Variants in KIRREL3 observed in about 807,000 individuals in gnomAD.
KIRREL3 encodes kin of IRRE-like protein 3.
Under a neutral mutation model 89.7 loss-of-function variants are expected in KIRREL3, and 36 were observed. That is an observed-to-expected ratio of 0.40 (90% CI 0.31 to 0.53). KIRREL3 has a LOEUF of 0.53. Ranked by LOEUF, KIRREL3 falls within the 20% of genes least tolerant of loss-of-function variation. The pLI is 0.49. For missense variants in KIRREL3, 864 were observed against 1,056.6 expected, an observed-to-expected ratio of 0.82 and a Z score of 2.53; for synonymous variants, 445 against 441.4, an observed-to-expected ratio of 1.01 and a Z score of -0.10.
In KIRREL3 at chr11:126,883,236, C is replaced by A. The variant is rs189976374; in HGVS notation, c.55+117219G>T. Among the ~76,000 whole-genome samples the A allele has an allele frequency of 2.0e-5, 3 of 152,148 alleles. No homozygotes were observed. The highest frequency in any genetic ancestry group is 2.0e-4 in the Admixed American group (3 of 15,294). On this transcript the variant is annotated intron_variant, in intron 1 of 16. Coordinates refer to ENST00000525144, the MANE Select transcript of KIRREL3 (RefSeq NM_032531.4). This position sits in a 1 kb window ranked among gnomAD's most constrained non-coding sequence, Gnocchi z 4.1. The stretch of plus-strand genomic sequence containing the variant: ...TCTGCTATAGAGAGTTCTTGAGAAG[C>A]CAGGAATAGTTAAGAGGAAATTGAG...
chr11:126,597,515 A>G (rs1475594187), intron 1 of KIRREL3, among the ~76,000 whole-genome samples: 2 of 152,234 alleles, frequency 1.3e-5, no homozygotes, highest in Admixed American at 6.5e-5. Flanking sequence ...TCACAGGAAG[A>G]AATTTGGAAA....
At chr11:126,617,497 A>G (rs551003900) in intron 1 of KIRREL3, among the ~76,000 whole-genome samples, 11 of 152,356 alleles carry the variant, frequency 7.2e-5, no homozygotes, top group Non-Finnish European at 1.3e-4. Context: ...TTTAAGAGAC[A>G]TACTATTTTC....
intron 1 of KIRREL3, among the ~76,000 whole-genome samples, chr11:126,975,036 C>T (rs1949529735): frequency 6.6e-6 from 1 of 152,098 alleles, no homozygotes. Flanking sequence ...GTCTCGAACT[C>T]TGGAGCTCAA....
At position 126,429,985 on chromosome 11, in the gene KIRREL3, A is replaced by G. The variant is rs934378865; in HGVS notation, c.1697-697T>C. On this transcript the variant is annotated intron_variant, in intron 14 of 16. Transcript: ENST00000525144. The surrounding 1 kb of genome is among the most constrained non-coding windows in gnomAD (Gnocchi z 5.2). Reference sequence around the variant, plus strand: ...CCCCGTCTCTATTAAAAATCCAAAAATTAGCTGGGCGTGGTGGTGGGTGCC... The same window carrying G: ...CCCCGTCTCTATTAAAAATCCAAAAGTTAGCTGGGCGTGGTGGTGGGTGCC... Among the ~76,000 whole-genome samples the G allele has an allele frequency of 2.0e-5, 3 of 151,868 alleles. No individual in the cohort carries two copies. The highest frequency in any genetic ancestry group is 7.3e-5 in the African/African-American group (3 of 41,312).
chr11:126,675,262 C>A (rs145256745), intron 1 of KIRREL3, among the ~76,000 whole-genome samples: 9 of 152,320 alleles, frequency 5.9e-5, no homozygotes, highest in African/African-American at 2.2e-4. Context: ...CTATTTATGT[C>A]TTTAGAAATG....
chr11:126,936,954 G>C (rs1473576705), intron 1 of KIRREL3: 1 of 152,216 alleles, frequency 6.6e-6, no homozygotes, highest in Non-Finnish European at 1.5e-5. Flanking sequence ...TGCTTATTAA[G>C]GATGTCAGGA....
intron 1 of KIRREL3, among the ~76,000 whole-genome samples, chr11:126,691,947 C>T (rs1946892673): frequency 6.6e-6 from 1 of 152,176 alleles, no homozygotes; most frequent in South Asian, 2.1e-4. Context: ...CAGAGATTTG[C>T]AAATCGAAAT....
In KIRREL3 at chr11:126,981,856, C is replaced by T. The variant is rs1949730570; in HGVS notation, c.55+18599G>A. On this transcript the variant is annotated intron_variant, in intron 1 of 16. Coordinates refer to ENST00000525144, the MANE Select transcript of KIRREL3 (RefSeq NM_032531.4). This position sits in a 1 kb window ranked among gnomAD's most constrained non-coding sequence, Gnocchi z 4.2. ...CATCTGAGCTTCTGTAGCACACACTCCCTTGCTTGGGGGCTCTGCTGGGAT... is the reference window on the plus strand; with the variant it reads ...CATCTGAGCTTCTGTAGCACACACTTCCTTGCTTGGGGGCTCTGCTGGGAT... Among the ~76,000 whole-genome samples the T allele has an allele frequency of 6.6e-6, 1 of 152,210 alleles. No homozygotes were observed. The highest frequency in any genetic ancestry group is 2.4e-5 in the African/African-American group (1 of 41,454).
At position 126,687,485 on chromosome 11, in the gene KIRREL3, T is replaced by G. The variant is rs1946710298; in HGVS notation, c.56-124573A>C. Among the ~76,000 whole-genome samples the G allele has an allele frequency of 2.0e-5, 3 of 152,110 alleles. No homozygotes were observed. The highest frequency in any genetic ancestry group is 7.2e-5 in the African/African-American group (3 of 41,390). ...ATTCACAAAAATCCACACCAAAACCTCTAGATATTCCCATGGAGCTGCTAG... is the reference window on the plus strand; with the variant it reads ...ATTCACAAAAATCCACACCAAAACCGCTAGATATTCCCATGGAGCTGCTAG... On this transcript the variant is annotated intron_variant, in intron 1 of 16. Transcript: ENST00000525144. The surrounding 1 kb of genome is among the most constrained non-coding windows in gnomAD (Gnocchi z 4.6).
Position 126,578,489 on chromosome 11 carries a change from G to A in KIRREL3, c.56-15577C>T, listed in dbSNP as rs1941374791. Among the ~76,000 whole-genome samples, 1 of 152,246 alleles carries A rather than the reference G, an allele frequency of 6.6e-6. No homozygotes were observed. The highest frequency in any genetic ancestry group is 1.5e-5 in the Non-Finnish European group (1 of 68,034). On this transcript the variant is annotated intron_variant, in intron 1 of 16. Coordinates refer to ENST00000525144, the MANE Select transcript of KIRREL3 (RefSeq NM_032531.4). This position sits in a 1 kb window ranked among gnomAD's most constrained non-coding sequence, Gnocchi z 4.9. The stretch of plus-strand genomic sequence containing the variant: ...TAATAAGAGCGGGAGTGTGGATTGT[G>A]CACATAGGTGGGGACGGGGTGAGAA...
chr11:126,514,859 C>A (rs752570484), intron 4 of KIRREL3, among the ~76,000 whole-genome samples: 2 of 98,520 alleles, frequency 2.0e-5, no homozygotes, highest in African/African-American at 1.0e-4. Context: ...CAACACAACA[C>A]AACACAACAA....
Position 126,624,330 on chromosome 11 carries a change from C to T in KIRREL3, c.56-61418G>A, listed in dbSNP as rs937613768. ...TTCTTGTCTTCTCCTCTGATTTCCA[C>T]TAGGAAAAAACAAAACAAAACAAAA... On this transcript the variant is annotated intron_variant, in intron 1 of 16. Coordinates refer to ENST00000525144, the MANE Select transcript of KIRREL3 (RefSeq NM_032531.4). The surrounding 1 kb of genome is among the most constrained non-coding windows in gnomAD (Gnocchi z 6.0). Among the ~76,000 whole-genome samples, 1 of 152,050 alleles carries T rather than the reference C, an allele frequency of 6.6e-6. No individual in the cohort carries two copies. The highest frequency in any genetic ancestry group is 2.4e-5 in the African/African-American group (1 of 41,402).
intron 1 of KIRREL3, among the ~76,000 whole-genome samples, chr11:126,751,548 A>C (rs1374969585): frequency 6.6e-6 from 1 of 152,214 alleles, no homozygotes; most frequent in Non-Finnish European, 1.5e-5. Flanking sequence ...TAAGAGAGTT[A>C]CGATGATTTT....
chr11:126,726,645 G>T (rs911073946), intron 1 of KIRREL3, among the ~76,000 whole-genome samples: 6 of 152,270 alleles, frequency 3.9e-5, no homozygotes, highest in South Asian at 4.2e-4. Context: ...TAGGATAACA[G>T]GTGTGAGCCA....
intron 1 of KIRREL3, among the ~76,000 whole-genome samples, chr11:126,916,790 T>G (rs1947058257): frequency 6.6e-6 from 1 of 152,196 alleles, no homozygotes; most frequent in Admixed American, 6.5e-5. Flanking sequence ...ATTAGTTACA[T>G]GGTCCAAACT....
intron 7 of KIRREL3, among the ~76,000 whole-genome samples, chr11:126,451,651 C>T (rs923705510): frequency 4.9e-5 from 7 of 142,524 alleles, no homozygotes; most frequent in South Asian, 2.3e-4. Flanking sequence ...CATGTATGGG[C>T]GTGTGCATGT....
Position 126,687,766 on chromosome 11 carries a change from G to A in KIRREL3, c.56-124854C>T, listed in dbSNP as rs1024026902. On this transcript the variant is annotated intron_variant, in intron 1 of 16. Transcript: ENST00000525144. The surrounding 1 kb of genome is among the most constrained non-coding windows in gnomAD (Gnocchi z 4.6). ...CTATTCTCAGAGTGCTCAGTCCAGTGAGAAACTAGAAAAGTCTGCAGGTAA... is the reference window on the plus strand; with the variant it reads ...CTATTCTCAGAGTGCTCAGTCCAGTAAGAAACTAGAAAAGTCTGCAGGTAA... Among the ~76,000 whole-genome samples, 1 of 152,178 alleles carries A rather than the reference G, an allele frequency of 6.6e-6. No homozygotes were observed. Among genetic ancestry groups the A allele is most frequent in the African/African-American group, 2.4e-5 (1 of 41,440 alleles).
Position 126,549,112 on chromosome 11 carries a change from G to T in KIRREL3, c.133+13723C>A, listed in dbSNP as rs557260073. On this transcript the variant is annotated intron_variant, in intron 2 of 16. Transcript: ENST00000525144. ...TTCCTAGTGCATTTGACTCGGAGAT[G>T]GGGACTATTCCATTGCTCTATTTGT... 4.6e-5 allele frequency among the ~76,000 whole-genome samples: 7 copies of T among 152,308 alleles called. No homozygotes were observed. In the South Asian group the frequency reaches 6.2e-4, roughly 14 times the overall value.
chr11:126,874,770 C>T (rs897323441), intron 1 of KIRREL3, among the ~76,000 whole-genome samples: 4 of 152,100 alleles, frequency 2.6e-5, no homozygotes, highest in Non-Finnish European at 4.4e-5. Flanking sequence ...GTTGGCTGTG[C>T]GTGGAATGGT....
Sources: gnomAD v4.1 joint callset for allele counts (sites outside exome capture counted in the v4.1 genomes callset) on GRCh38, gnomAD v4.1.1 for gene constraint, Gnocchi (gnomAD v3.1) non-coding constraint, MANE v1.5 for transcripts, NCBI Gene and HGNC (gene_info 2026-07-23, HGNC 2026-07-21) for gene names.